UNC13C: variants seen among roughly 807,000 people sequenced by gnomAD.
UNC13C encodes protein unc-13 homolog C.
A neutral mutation model predicts 245.4 loss-of-function variants in UNC13C; 174 were observed. The ratio of observed to expected loss-of-function variants is 0.71; its 90% CI spans 0.63 to 0.80. The LOEUF is 0.80. Among genes scored for constraint, UNC13C ranks in the 30% least tolerant of loss-of-function variants. The pLI is 0.00. For missense variants in UNC13C, 2,829 were observed against 2,602.9 expected, an observed-to-expected ratio of 1.09 and a Z score of -1.89; for synonymous variants, 992 against 895.1, an observed-to-expected ratio of 1.11 and a Z score of -1.93.
At chr15:54,340,257 T>A (rs573995268) in intron 17 of UNC13C, among the ~76,000 whole-genome samples, 86 of 152,338 alleles carry the variant, frequency 5.6e-4, no homozygotes, top group African/African-American at 1.9e-3. Flanking sequence ...TACTGACTGT[T>A]CCTTTTGCTG....
intron 13 of UNC13C, chr15:54,321,082 C>G (rs866145779): frequency 2.0e-6 from 1 of 489,418 alleles, no homozygotes; most frequent in Middle Eastern, 7.7e-4. Flanking sequence ...ACCACCAAAG[C>G]TTTTAGGACC....
chr15:54,475,455 C>G (rs1038516377), intron 19 of UNC13C, among the ~76,000 whole-genome samples: 4 of 151,680 alleles, frequency 2.6e-5, no homozygotes, highest in African/African-American at 9.7e-5. Context: ...TATCCCTCCC[C>G]TCTCCCCCCA....
Position 54,548,298 on chromosome 15 carries a change from T to A in UNC13C, c.5821-1337T>A, listed in dbSNP as rs188974517. Among the ~76,000 whole-genome samples the A allele has an allele frequency of 2.2e-5, 3 of 136,366 alleles. No homozygotes were observed. In the East Asian group the frequency reaches 7.7e-4, roughly 35 times the overall value. 89.5% of individuals were successfully genotyped at this position (136,366 alleles called of 152,430 possible). A position where few individuals can be genotyped will look rare whatever the true frequency, so the allele number is the denominator to read the frequency against. ...GTGCAGTGGCGCGATCTCGGCTCACTGCAAGCTCCACCTCCCAGGTTCACG... is the reference window on the plus strand; with the variant it reads ...GTGCAGTGGCGCGATCTCGGCTCACAGCAAGCTCCACCTCCCAGGTTCACG... On this transcript the variant is annotated intron_variant, in intron 27 of 32. Coordinates refer to ENST00000260323, the MANE Select transcript of UNC13C (RefSeq NM_001080534.3).
At chr15:53,894,687 A>G in the UNC13C span, among the ~76,000 whole-genome samples, 21,248 of 152,178 alleles carry the variant, frequency 0.14, 1,786 homozygotes, top group South Asian at 0.2. Context: ...CCATTTATTT[A>G]TGTCACTTTG....
intron 25 of UNC13C, among the ~76,000 whole-genome samples, chr15:54,527,301 A>G (rs1019408743): frequency 5.9e-5 from 9 of 152,110 alleles, no homozygotes; most frequent in African/African-American, 2.2e-4. Flanking sequence ...TCTTTGTTCT[A>G]GTTGCAAATT....
intron 19 of UNC13C, among the ~76,000 whole-genome samples, chr15:54,486,249 A>AC (rs1304090583): frequency 2.8e-5 from 3 of 108,100 alleles, no homozygotes; most frequent in African/African-American, 3.6e-5. Context: ...AGATCTATTA[A>AC]AACACACACA....
At chr15:54,542,543 C>T (rs769553168) in intron 26 of UNC13C, among the ~76,000 whole-genome samples, 10 of 152,030 alleles carry the variant, frequency 6.6e-5, no homozygotes, top group Non-Finnish European at 1.2e-4. Context: ...AGTTCAAGTC[C>T]GGAATATCCT....
the UNC13C span, among the ~76,000 whole-genome samples, chr15:53,936,057 C>G: frequency 6.6e-6 from 1 of 152,140 alleles, no homozygotes; most frequent in Non-Finnish European, 1.5e-5. Flanking sequence ...CCCGTGGCAC[C>G]TCACAAGTTA....
chr15:53,884,575 T>C, the UNC13C span, among the ~76,000 whole-genome samples: 1 of 152,116 alleles, frequency 6.6e-6, no homozygotes, highest in African/African-American at 2.4e-5. Context: ...CCTGAAGCAA[T>C]TTTCCTGCCA....
the UNC13C span, among the ~76,000 whole-genome samples, chr15:53,838,554 A>G: frequency 6.6e-6 from 1 of 152,018 alleles, no homozygotes; most frequent in African/African-American, 2.4e-5. Flanking sequence ...TTCTTCTTCA[A>G]ACTTAAAGTG....
chr15:54,599,517 C>T (rs77849743), intron 30 of UNC13C, among the ~76,000 whole-genome samples: 3,258 of 151,986 alleles, frequency 0.021, 85 homozygotes, highest in Non-Finnish European at 0.03. Context: ...TCTTTCACTC[C>T]AGTAAGACTA....
intron 19 of UNC13C, among the ~76,000 whole-genome samples, chr15:54,443,443 T>C (rs990488176): frequency 9.2e-5 from 14 of 151,956 alleles, no homozygotes; most frequent in Admixed American, 7.2e-4. Flanking sequence ...TTTCAACTAA[T>C]TTCGGATTTG....
intron 14 of UNC13C, among the ~76,000 whole-genome samples, chr15:54,327,504 ACAC>A (rs1256162144): frequency 6.6e-6 from 1 of 152,084 alleles, no homozygotes; most frequent in Non-Finnish European, 1.5e-5. Flanking sequence ...ATTTGGGAAA[ACAC>A]CAATTATTTT....
In UNC13C at chr15:54,393,200, AAATG is replaced by A; in HGVS notation, c.4847+24_4847+27del. 6.6e-7 allele frequency: 1 copy of A among 1,510,266 alleles called. No homozygotes were observed. Among genetic ancestry groups the A allele is most frequent in the South Asian group, 1.4e-5 (1 of 73,676 alleles). The allele number at this position is 1,510,266 out of a possible 1,614,324, so 93.6% of individuals were successfully genotyped here. ...TGAATCAGTAAGTACAATGTTTTGGAAATGAATGGATTTTATTCCACTAAAGTTC... is the reference window on the plus strand; with the variant it reads ...TGAATCAGTAAGTACAATGTTTTGGAAATGGATTTTATTCCACTAAAGTTC... On this transcript the variant is annotated intron_variant, in intron 18 of 32. Coordinates refer to ENST00000260323, the MANE Select transcript of UNC13C (RefSeq NM_001080534.3).
intron 13 of UNC13C, among the ~76,000 whole-genome samples, chr15:54,303,252 G>A (rs2037635329): frequency 6.6e-6 from 1 of 152,080 alleles, no homozygotes; most frequent in Non-Finnish European, 1.5e-5. Context: ...CATGCCAAAG[G>A]CTATGATTCA....
chr15:54,220,423 A>G (rs1187082253), intron 4 of UNC13C, among the ~76,000 whole-genome samples: 1 of 132,990 alleles, frequency 7.5e-6, no homozygotes, highest in Non-Finnish European at 1.6e-5. Context: ...AGGAAGGGGA[A>G]CATCACACTC....
chr15:53,987,437 C>T (rs935998972), intron 1 of UNC13C, among the ~76,000 whole-genome samples: 3 of 152,038 alleles, frequency 2.0e-5, no homozygotes, highest in Non-Finnish European at 4.4e-5. Context: ...TGCAGTGACA[C>T]AAAATCCATC....
At chr15:54,439,690 T>C (rs954177554) in intron 19 of UNC13C, among the ~76,000 whole-genome samples, 27 of 151,990 alleles carry the variant, frequency 1.8e-4, no homozygotes, top group Non-Finnish European at 2.4e-4. Flanking sequence ...GGGGTACATG[T>C]GATATTTTGT....
At chr15:54,180,955 T>G (rs1165384764) in intron 4 of UNC13C, among the ~76,000 whole-genome samples, 1 of 152,118 alleles carries the variant, frequency 6.6e-6, no homozygotes, top group Non-Finnish European at 1.5e-5. Context: ...CTGCTTACTC[T>G]GTTGATAGTT....
Sources: allele counts gnomAD v4.1 joint callset (sites outside exome capture counted in the v4.1 genomes callset), GRCh38; gene constraint gnomAD v4.1.1; transcripts MANE v1.5; gene names NCBI Gene and HGNC (gene_info 2026-07-23, HGNC 2026-07-21).